Variants in CALHM4 observed in about 807,000 individuals in gnomAD.
The protein encoded by CALHM4 is calcium homeostasis modulator family member 4.
In CALHM4, 16 loss-of-function variants were observed where a neutral mutation model predicts 13.3. That is an observed-to-expected ratio of 1.20 (90% CI 0.81 to 1.82). CALHM4 has a LOEUF of 1.82. Among genes scored for constraint, CALHM4 ranks in the 40% most tolerant of loss-of-function variants. The pLI, the probability that CALHM4 is intolerant of heterozygous loss-of-function variation, is 0.00. For missense variants in CALHM4, 344 were observed against 374.9 expected (o/e 0.92, Z 0.68); for synonymous variants, 127 against 137.1 (o/e 0.93, Z 0.52).
intron 1 of CALHM4, among the ~76,000 whole-genome samples, chr6:116,555,044 T>C (rs1774249396): frequency 6.6e-6 from 1 of 152,248 alleles, no homozygotes; most frequent in Admixed American, 6.5e-5. Flanking sequence ...CATCATCATA[T>C]AGTAAAAACA....
intron 1 of CALHM4, among the ~76,000 whole-genome samples, chr6:116,543,062 A>G (rs1221060085): frequency 6.6e-6 from 1 of 152,124 alleles, no homozygotes; most frequent in East Asian, 1.9e-4. Context: ...TTAAGAAATG[A>G]TTTCTAACTA....
chr6:116,544,330 G>C (rs1773644542), intron 2 of CALHM4, among the ~76,000 whole-genome samples: 1 of 151,962 alleles, frequency 6.6e-6, no homozygotes, highest in Non-Finnish European at 1.5e-5. Context: ...TTTCTTCTCT[G>C]TCCCTGATGG....
Position 116,554,210 on chromosome 6 carries a change from G to A in CALHM4, c.417G>A (p.Val139=). 6.4e-7 allele frequency: 1 copy of A among 1,550,506 alleles called. No individual in the cohort carries two copies. Among genetic ancestry groups the A allele is most frequent in the Non-Finnish European group, 8.7e-7 (1 of 1,146,990 alleles). ...GTGCAGCAAGTGAATTTGCATCTGT[G>A]GACCATTACCCAATGTTTGATAATG... is the stretch of plus-strand genomic sequence containing the variant. ...YECAASEFAS[V]DHYPMFDNVS... The change falls in exon 1 of 2, where the codon GTG becomes GTA. Residue 139 remains valine, a synonymous_variant. Coordinates refer to ENST00000368596, the MANE Select transcript of CALHM4 (RefSeq NM_001366078.2).
intron 1 of CALHM4, 91 bp downstream of exon 1, chr6:116,554,442 T>C: frequency 9.1e-7 from 1 of 1,099,502 alleles, no homozygotes; most frequent in Non-Finnish European, 1.3e-6. Flanking sequence ...CTTCTTATAT[T>C]CTCTGATTAT....
At chr6:116,539,625 T>C (rs1292144969) in intron 1 of CALHM4, among the ~76,000 whole-genome samples, 2 of 152,128 alleles carry the variant, frequency 1.3e-5, no homozygotes, top group Non-Finnish European at 2.9e-5. Flanking sequence ...CATGATGGTA[T>C]AGAATGACAG....
intron 1 of CALHM4, among the ~76,000 whole-genome samples, chr6:116,530,920 T>TATATAC (rs1772668224): frequency 7.1e-6 from 1 of 141,822 alleles, no homozygotes; most frequent in Admixed American, 7.0e-5. Flanking sequence ...TATATATATA[T>TATATAC]ATATATATAT....
chr6:116,530,902 C>CATATATATAT (rs10557481), intron 1 of CALHM4, among the ~76,000 whole-genome samples: 24 of 76,480 alleles, frequency 3.1e-4, no homozygotes, highest in African/African-American at 6.1e-4. Context: ...AAGTGAGACT[C>CATATATATAT]ATATATATAT....
At chr6:116,552,729 A>G (rs1307539317), upstream of CALHM4, among the ~76,000 whole-genome samples, 1 of 152,196 alleles carries the variant, frequency 6.6e-6, no homozygotes, top group Non-Finnish European at 1.5e-5. Context: ...TACTGGTTAA[A>G]TACACACAGA....
At chr6:116,535,227 T>A (rs1305969405) in intron 1 of CALHM4, among the ~76,000 whole-genome samples, 1 of 152,150 alleles carries the variant, frequency 6.6e-6, no homozygotes. Context: ...CTGAAAGAGG[T>A]CTCTTCTGAC....
chr6:116,543,934 C>T lies in CALHM4; in HGVS notation c.-1+62C>T, dbSNP rs141954928. On this transcript the variant is annotated intron_variant, in intron 2 of 2. Coordinates refer to the CALHM4 transcript ENST00000368597. ...GAATGTGATATTTCCTTATAGTTCT[C>T]CAAAATATGTCCCATTTTTAGAGTA... The T allele has an allele frequency of 6.4e-6, 8 of 1,247,704 alleles. No individual in the cohort carries two copies. The East Asian group carries it at 1.3e-4, about 20-fold the overall frequency. 77.3% of individuals were successfully genotyped at this position (1,247,704 alleles called of 1,614,324 possible).
chr6:116,545,118 C>T (rs914322424), intron 2 of CALHM4, among the ~76,000 whole-genome samples: 12 of 149,868 alleles, frequency 8.0e-5, no homozygotes, highest in African/African-American at 2.7e-4. Flanking sequence ...TATATATATA[C>T]ATACATACAT....
In CALHM4 at chr6:116,553,931, A is replaced by G. The variant is rs1015296921; in HGVS notation, c.138A>G (p.Gly46=). ...CATTCAGCTGTCCTTGTCAGGTTGG[A>G]AAAAATTTCTATTATGGTTCTGCTT... ...SSTFSCPCQV[G]KNFYYGSAFL... is the part of the protein sequence containing the mutation. The change falls in exon 1 of 2, where the codon GGA becomes GGG. Residue 46 remains glycine (G), a synonymous_variant. Transcript: ENST00000368596. The G allele has an allele frequency of 4.5e-6, 7 of 1,550,518 alleles. No homozygotes were observed. In the African/African-American group the frequency reaches 9.6e-5, roughly 21 times the overall value.
upstream of CALHM4, among the ~76,000 whole-genome samples, chr6:116,550,811 G>C (rs1384651476): frequency 2.6e-5 from 4 of 152,064 alleles, no homozygotes; most frequent in Non-Finnish European, 2.9e-5. Context: ...CCCTGTCCTA[G>C]TTGTATTTTC....
chr6:116,549,424 A>G (rs978134925), upstream of CALHM4, among the ~76,000 whole-genome samples: 1 of 152,182 alleles, frequency 6.6e-6, no homozygotes, highest in Non-Finnish European at 1.5e-5. Flanking sequence ...TTGATACATG[A>G]TATTATGAGG....
At chr6:116,553,443 T>C (rs2115286677), upstream of CALHM4, among the ~76,000 whole-genome samples, 1 of 152,332 alleles carries the variant, frequency 6.6e-6, no homozygotes, top group East Asian at 1.9e-4. Flanking sequence ...CTTTCAATGC[T>C]CTATTTGCTG....
In CALHM4 at chr6:116,545,697, G is replaced by A. The variant is rs148884107; in HGVS notation, c.-1+1825G>A. On this transcript the variant is annotated intron_variant, in intron 2 of 2. Coordinates refer to the CALHM4 transcript ENST00000368597. ...TGAGCTGAAGAGGGAAAAAAACCAT[G>A]AACAACAGGATTGTCTTATAGCCAC... 313 of 432,846 alleles carry A rather than the reference G, an allele frequency of 7.2e-4. 3 individuals are homozygous for A. The East Asian group carries it at 0.011, about 15-fold the overall frequency. The allele number at this position is 432,846 out of a possible 1,614,324, so 26.8% of individuals were successfully genotyped here.
chr6:116,550,355 G>A (rs1054697957), upstream of CALHM4, among the ~76,000 whole-genome samples: 1 of 152,092 alleles, frequency 6.6e-6, no homozygotes, highest in African/African-American at 2.4e-5. Context: ...GCATGTGTTA[G>A]ACCACCTGAG....
At chr6:116,543,037 C>T (rs546325158) in intron 1 of CALHM4, among the ~76,000 whole-genome samples, 19 of 152,164 alleles carry the variant, frequency 1.2e-4, no homozygotes, top group African/African-American at 4.3e-4. Context: ...TGCTTATAAG[C>T]GACTCTTAAG....
chr6:116,545,561 C>T (rs751785937), intron 2 of CALHM4: 2 of 1,520,880 alleles, frequency 1.3e-6, no homozygotes, highest in Middle Eastern at 1.7e-4. Context: ...TCTTCTTTTG[C>T]CTGTTTCTTA....
Sources: allele counts gnomAD v4.1 joint callset (sites outside exome capture counted in the v4.1 genomes callset), GRCh38; gene constraint gnomAD v4.1.1; transcripts MANE v1.5; gene names NCBI Gene and HGNC (gene_info 2026-07-23, HGNC 2026-07-21).